Variants in GDPD2 observed in about 807,000 individuals in gnomAD.
GDPD2 encodes the protein glycerophosphodiester phosphodiesterase 3.
In GDPD2, 23 loss-of-function variants were observed where a neutral mutation model predicts 49.2. That is an observed-to-expected ratio of 0.47 (90% CI 0.34 to 0.66). The LOEUF is 0.66. Among genes scored for constraint, GDPD2 ranks in the 30% least tolerant of loss-of-function variants. The pLI is 0.01. For synonymous variants in GDPD2, 167 were observed against 171.4 expected (o/e 0.97, Z 0.20); for missense variants, 338 against 424.7 (o/e 0.80, Z 1.79).
At position 70,433,236 on chromosome X, in the gene GDPD2, G is replaced by T. The variant is rs1408004680; in HGVS notation, c.*150G>T. Reference sequence around the variant, plus strand: ...AGGTTTTGAACCATGAGGGCCCTCTGCCCAGGTGATGGGCATTCCCTAAGC... The same window carrying T: ...AGGTTTTGAACCATGAGGGCCCTCTTCCCAGGTGATGGGCATTCCCTAAGC... On this transcript the variant is annotated 3_prime_UTR_variant, in exon 16 of 16. Coordinates refer to ENST00000374382, the MANE Select transcript of GDPD2 (RefSeq NM_017711.4). The T allele has an allele frequency of 4.2e-6, 2 of 476,407 alleles. No individual in the cohort carries two copies. The highest frequency in any genetic ancestry group is 7.4e-6 in the Non-Finnish European group (2 of 269,367). 39.3% of individuals were successfully genotyped at this position (476,407 alleles called of 1,213,427 possible).
chrX:70,431,530 T>C (rs916477501), intron 12 of GDPD2, among the ~76,000 whole-genome samples: 1 of 112,799 alleles, frequency 8.9e-6, no homozygotes, highest in Non-Finnish European at 1.9e-5. Flanking sequence ...GACTCTGGAC[T>C]ACCTGAATAC....
intron 12 of GDPD2, chrX:70,431,035 G>A (rs1281387273): frequency 1.3e-6 from 1 of 755,821 alleles, no homozygotes; most frequent in African/African-American, 2.2e-5. Context: ...CAATCTTCCT[G>A]CCTCGGCCTC....
chrX:70,428,711 A>C (rs2086448550), intron 10 of GDPD2, among the ~76,000 whole-genome samples: 1 of 112,325 alleles, frequency 8.9e-6, no homozygotes, highest in African/African-American at 3.2e-5. Flanking sequence ...TCATTTGTAC[A>C]ATGGGAATAA....
Position 70,426,640 on chromosome X carries a change from G to A in GDPD2, c.463-8G>A, listed in dbSNP as rs764611851. On this transcript the variant is annotated splice_region_variant and splice_polypyrimidine_tract_variant and intron_variant, in intron 6 of 15. Transcript: ENST00000374382. ...AGAAGAGCCCACCTCACCAGCTCTT[G>A]TCCACAGGCCACAGCCCCATTCCTT... 4.2e-6 allele frequency: 5 copies of A among 1,192,854 alleles called. No homozygotes were observed. The Admixed American group carries it at 8.8e-5, about 21-fold the overall frequency.
Position 70,426,749 on chromosome X carries a change from C to T in GDPD2, c.556+8C>T, listed in dbSNP as rs898507845. 1.9e-5 allele frequency: 22 copies of T among 1,185,610 alleles called. No individual in the cohort carries two copies. The highest frequency in any genetic ancestry group is 2.3e-4 in the Middle Eastern group (1 of 4,325). ...ACCGTATCCACCGAAGAGGTGCCAACGCTGCTGCCCCACTCACCCTTGCTG... is the reference window on the plus strand; with the variant it reads ...ACCGTATCCACCGAAGAGGTGCCAATGCTGCTGCCCCACTCACCCTTGCTG... On this transcript the variant is annotated splice_region_variant and intron_variant, in intron 7 of 15. Coordinates refer to ENST00000374382, the MANE Select transcript of GDPD2 (RefSeq NM_017711.4).
chrX:70,425,192 C>T, intron 2 of GDPD2, 103 bp downstream of exon 2: 1 of 663,566 alleles, frequency 1.5e-6, no homozygotes, highest in Non-Finnish European at 2.4e-6. Context: ...GGGGAAGGGG[C>T]TCTCTCTCCC....
At chrX:70,425,691 C>T in intron 3 of GDPD2, 72 bp from the exon 4 acceptor site, 1 of 622,508 alleles carries the variant, frequency 1.6e-6, no homozygotes, top group Non-Finnish European at 2.8e-6. Context: ...TGGATCCACC[C>T]ACCCCACCTC....
chrX:70,425,156 G>A, intron 2 of GDPD2, 67 bp downstream of exon 2: 1 of 802,313 alleles, frequency 1.2e-6, no homozygotes, highest in African/African-American at 2.0e-5. Context: ...GGGATAAGGA[G>A]GCCAATTGTG....
intron 1 of GDPD2, 100 bp from the exon 2 acceptor site, chrX:70,424,876 A>G: frequency 1.9e-6 from 1 of 532,184 alleles, no homozygotes; most frequent in Non-Finnish European, 3.1e-6. Flanking sequence ...GCAGCGGCCC[A>G]GGCCTCTGCC....
intron 12 of GDPD2, chrX:70,431,037 C>G: frequency 1.2e-6 from 1 of 802,620 alleles, no homozygotes; most frequent in Non-Finnish European, 1.8e-6. Flanking sequence ...ATCTTCCTGC[C>G]TCGGCCTCCC....
intron 12 of GDPD2, chrX:70,430,851 G>A: frequency 3.0e-6 from 1 of 334,101 alleles, no homozygotes; most frequent in Non-Finnish European, 5.1e-6. Flanking sequence ...CACCAAGCCT[G>A]TAGTGCAGTG....
chrX:70,427,849 T>C (rs2147753191), intron 10 of GDPD2: 1 of 132,486 alleles, frequency 7.5e-6, no homozygotes, highest in East Asian at 2.0e-4. Flanking sequence ...ATGGGAGTGG[T>C]AGGGAGCAGA....
intron 5 of GDPD2, 102 bp from the exon 6 acceptor site, chrX:70,426,269 G>T (rs1211168678): frequency 1.3e-6 from 1 of 798,280 alleles, no homozygotes; most frequent in East Asian, 3.4e-5. Flanking sequence ...GATGTGTCAG[G>T]GGAAGGGAAG....
intron 12 of GDPD2, chrX:70,430,950 CTATTTTT>C: frequency 2.3e-6 from 1 of 427,164 alleles, no homozygotes; most frequent in Non-Finnish European, 4.0e-6. Flanking sequence ...CTATGCAAGG[CTATTTTT>C]TTTTTTTTTT....
intron 4 of GDPD2, 76 bp from the exon 5 acceptor site, chrX:70,425,976 C>A (rs2086419603): frequency 2.1e-6 from 2 of 952,321 alleles, no homozygotes; most frequent in South Asian, 1.9e-5. Context: ...GAGGGAAGTA[C>A]CAGCCTGGGA....
chrX:70,431,508 G>A (rs964031891), intron 12 of GDPD2, among the ~76,000 whole-genome samples: 8 of 112,608 alleles, frequency 7.1e-5, no homozygotes, highest in African/African-American at 9.7e-5. Context: ...TAACATTGCC[G>A]AAGGCTAACC....
intron 12 of GDPD2, among the ~76,000 whole-genome samples, chrX:70,431,863 A>T (rs1204588814): frequency 1.8e-5 from 2 of 112,483 alleles, no homozygotes; most frequent in African/African-American, 3.2e-5. Flanking sequence ...TCTCAAAAAA[A>T]AAAAGGCTGG....
intron 2 of GDPD2, 82 bp downstream of exon 2, chrX:70,425,171 T>C (rs925721533): frequency 2.5e-5 from 18 of 730,478 alleles, no homozygotes; most frequent in Non-Finnish European, 3.5e-5. Context: ...ATTGTGCTCA[T>C]AGACAGCTTG....
At position 70,426,186 on chromosome X, in the gene GDPD2, T is replaced by G. The variant is rs2086421721; in HGVS notation, c.363+75T>G. 8.5e-6 allele frequency: 8 copies of G among 944,627 alleles called. No homozygotes were observed. The East Asian group carries it at 2.5e-4, about 29-fold the overall frequency. The allele number at this position is 944,627 out of a possible 1,213,427, so 77.8% of individuals were successfully genotyped here. A position where few individuals can be genotyped will look rare whatever the true frequency, so the allele number is the denominator to read the frequency against. ...CTTGGCTGGCTATTTGCTGAGGACC[T>G]CACTTTTATACCCCCGGGGGGTCAA... is the stretch of plus-strand genomic sequence containing the variant. On this transcript the variant is annotated intron_variant, in intron 5 of 15. Transcript: ENST00000374382.
Sources: gnomAD v4.1 joint callset for allele counts (sites outside exome capture counted in the v4.1 genomes callset) on GRCh38, gnomAD v4.1.1 for gene constraint, MANE v1.5 for transcripts, NCBI Gene and HGNC (gene_info 2026-07-23, HGNC 2026-07-21) for gene names.